TEK: variants seen among roughly 807,000 people sequenced by gnomAD.
The protein encoded by TEK is angiopoietin-1 receptor.
A neutral mutation model predicts 131.8 loss-of-function variants in TEK; 43 were observed. The observed-to-expected ratio is 0.33, with a 90% CI of 0.26 to 0.42. The LOEUF (loss-of-function observed/expected upper bound fraction) is 0.42. TEK is among the 10% of genes least tolerant of loss of function. TEK has a pLI of 1.00. For synonymous variants in TEK, 580 were observed against 491.6 expected (o/e 1.18, Z -2.38); for missense variants, 1,162 against 1,384.4 (o/e 0.84, Z 2.55).
At chr9:27,195,315 C>T (rs964901895) in intron 11 of TEK, among the ~76,000 whole-genome samples, 1 of 152,184 alleles carries the variant, frequency 6.6e-6, no homozygotes, top group South Asian at 2.1e-4. Context: ...CCTCTCACCT[C>T]GAACCAAGAG....
intron 18 of TEK, 26 bp from the exon 19 acceptor site, chr9:27,217,662 G>A (rs1227037507): frequency 6.2e-7 from 1 of 1,612,262 alleles, no homozygotes; most frequent in African/African-American, 1.3e-5. Context: ...TCCCAGTTAA[G>A]TGAAATCTCA....
rs971208003 is a variant in TEK at position 27,205,873 on chromosome 9, C to T, written c.2365-709C>T. ...CATGAGTCCCCGAGTTTCCCTTCCA[C>T]GGAGGACAAGAGGAACTTCACTATC... is the stretch of plus-strand genomic sequence containing the variant. On this transcript the variant is annotated intron_variant, in intron 14 of 22. Coordinates refer to ENST00000380036, the MANE Select transcript of TEK (RefSeq NM_000459.5). Among the ~76,000 whole-genome samples, 4 of 152,286 alleles carry T rather than the reference C, an allele frequency of 2.6e-5. No individual in the cohort carries two copies. The East Asian group carries it at 5.8e-4, about 22-fold the overall frequency.
chr9:27,126,362 T>C (rs1821990003), intron 1 of TEK, among the ~76,000 whole-genome samples: 1 of 152,156 alleles, frequency 6.6e-6, no homozygotes, highest in Admixed American at 6.5e-5. Flanking sequence ...CACAAAAATA[T>C]TAAAAACTAA....
chr9:27,183,650 A>T, intron 8 of TEK, 40 bp downstream of exon 8: 2 of 1,611,968 alleles, frequency 1.2e-6, no homozygotes, highest in Non-Finnish European at 8.5e-7. Context: ...AAAGCATGAG[A>T]TGCTTCAGTG....
rs117840752 is a variant in TEK at position 27,145,025 on chromosome 9, G to A, written c.53-12806G>A. On this transcript the variant is annotated intron_variant, in intron 1 of 22. Coordinates refer to ENST00000380036, the MANE Select transcript of TEK (RefSeq NM_000459.5). ...CTAAAGATGAAGAAAATGTAAGTGGGGGTTCTTGGGCTTAGAGACACATAT... is the reference window on the plus strand; with the variant it reads ...CTAAAGATGAAGAAAATGTAAGTGGAGGTTCTTGGGCTTAGAGACACATAT... Among the ~76,000 whole-genome samples the A allele has an allele frequency of 5.3e-5, 8 of 152,258 alleles. No individual in the cohort carries two copies. In the East Asian group the frequency reaches 1.5e-3, roughly 29 times the overall value.
intron 1 of TEK, among the ~76,000 whole-genome samples, chr9:27,126,263 A>G (rs1821985183): frequency 6.6e-6 from 1 of 152,234 alleles, no homozygotes; most frequent in Non-Finnish European, 1.5e-5. Context: ...CTCCTAAGGC[A>G]TATCACAGCT....
At chr9:27,175,584 A>G (rs1171892678) in intron 6 of TEK, among the ~76,000 whole-genome samples, 2 of 152,018 alleles carry the variant, frequency 1.3e-5, no homozygotes, top group Non-Finnish European at 2.9e-5. Context: ...CAATGGTTGA[A>G]CTAGTTTTCA....
intron 8 of TEK, among the ~76,000 whole-genome samples, chr9:27,184,757 G>C (rs590894): frequency 0.19 from 28,556 of 152,090 alleles, 2,877 homozygotes; most frequent in Non-Finnish European, 0.21. Flanking sequence ...TGGCAAAGAG[G>C]CCAGATACGG....
intron 13 of TEK, among the ~76,000 whole-genome samples, chr9:27,203,489 C>G (rs2282230): frequency 0.26 from 37,978 of 144,062 alleles, 4,931 homozygotes; most frequent in Admixed American, 0.34. Flanking sequence ...TCCTCAAACA[C>G]TCCTTTTTTT....
At chr9:27,156,957 G>T (rs1179234440) in intron 1 of TEK, among the ~76,000 whole-genome samples, 1 of 146,060 alleles carries the variant, frequency 6.8e-6, no homozygotes, top group Non-Finnish European at 1.5e-5. Flanking sequence ...ATCTGCTCAT[G>T]TTAGAACCTT....
At chr9:27,118,648 C>T (rs995979972) in intron 1 of TEK, among the ~76,000 whole-genome samples, 4 of 152,114 alleles carry the variant, frequency 2.6e-5, no homozygotes, top group Non-Finnish European at 4.4e-5. Context: ...AACAACAAAC[C>T]GGAAAATGGC....
chr9:27,227,858 T>G (rs536192583), intron 21 of TEK, among the ~76,000 whole-genome samples: 8 of 152,172 alleles, frequency 5.3e-5, no homozygotes, highest in Non-Finnish European at 8.8e-5. Context: ...GGGTGGCATT[T>G]TACAAGTTTG....
At chr9:27,212,930 T>G (rs776058643) in intron 17 of TEK, 33 bp downstream of exon 17, 3 of 1,607,532 alleles carry the variant, frequency 1.9e-6, no homozygotes, top group Non-Finnish European at 1.7e-6. Context: ...TGGATATCTT[T>G]CCTGTGGAGT....
intron 1 of TEK, among the ~76,000 whole-genome samples, chr9:27,126,204 A>T (rs942040787): frequency 1.3e-5 from 2 of 152,210 alleles, no homozygotes; most frequent in Non-Finnish European, 2.9e-5. Context: ...TTGAACTCAT[A>T]GCCAGAGGCA....
At chr9:27,219,308 AAG>A (rs1491281582) in intron 20 of TEK, among the ~76,000 whole-genome samples, 5 of 152,216 alleles carry the variant, frequency 3.3e-5, no homozygotes, top group African/African-American at 9.6e-5. Context: ...AGCCACAAAA[AAG>A]AGAGGAATGA....
intron 1 of TEK, among the ~76,000 whole-genome samples, chr9:27,125,863 A>T (rs935500057): frequency 5.9e-5 from 9 of 152,226 alleles, no homozygotes; most frequent in Admixed American, 2.0e-4. Flanking sequence ...CTCTCTCAAC[A>T]CATCTCATTT....
At position 27,185,486 on chromosome 9, in the gene TEK, C is replaced by T. The variant is rs1310047403; in HGVS notation, c.1184C>T (p.Pro395Leu). 1.2e-6 allele frequency: 2 copies of T among 1,613,464 alleles called. No homozygotes were observed. The highest frequency in any genetic ancestry group is 1.7e-6 in the Non-Finnish European group (2 of 1,179,684). Residue 395 changes from proline to leucine, a missense_variant and splice_region_variant, in exon 9 of 23, where the codon CCA becomes CTA. Coordinates refer to ENST00000380036, the MANE Select transcript of TEK (RefSeq NM_000459.5). ...TTTTTTTGTATTTGACCTTTTCAGC[C>T]AAAAGACTTTAACCATACGGATCAT... ...LVKPDGTVLHPKDFNHTDHFS... is the reference protein window; with the variant it reads ...LVKPDGTVLHLKDFNHTDHFS...
At chr9:27,174,159 A>G (rs987722258) in intron 6 of TEK, among the ~76,000 whole-genome samples, 2 of 152,130 alleles carry the variant, frequency 1.3e-5, no homozygotes, top group Non-Finnish European at 2.9e-5. Flanking sequence ...CTACTGTTGC[A>G]TAGTAGCTCA....
At chr9:27,175,969 C>A (rs1041218064) in intron 6 of TEK, among the ~76,000 whole-genome samples, 4 of 152,070 alleles carry the variant, frequency 2.6e-5, no homozygotes, top group African/African-American at 9.7e-5. Context: ...GTTTCTTGCC[C>A]AGGTTTATAA....
Sources: allele counts gnomAD v4.1 joint callset (sites outside exome capture counted in the v4.1 genomes callset), GRCh38; gene constraint gnomAD v4.1.1; transcripts MANE v1.5; gene names NCBI Gene and HGNC (gene_info 2026-07-23, HGNC 2026-07-21).